Variants in ADAMTSL3 observed in about 807,000 individuals in gnomAD.
ADAMTSL3 encodes the protein ADAMTS like 3.
A neutral mutation model predicts 201.7 loss-of-function variants in ADAMTSL3; 128 were observed. The ratio of observed to expected loss-of-function variants is 0.63; its 90% CI spans 0.55 to 0.73. ADAMTSL3 has a LOEUF of 0.73. Among genes scored for constraint, ADAMTSL3 ranks in the 30% least tolerant of loss-of-function variants. ADAMTSL3 has a pLI of 0.00. For missense variants in ADAMTSL3, 1,990 were observed against 2,119.6 expected (o/e 0.94, Z 1.20); for synonymous variants, 738 against 748.4 (o/e 0.99, Z 0.23).
At chr15:83,827,589 G>A (rs573613619) in intron 6 of ADAMTSL3, among the ~76,000 whole-genome samples, 13 of 152,306 alleles carry the variant, frequency 8.5e-5, no homozygotes, top group Middle Eastern at 3.4e-3. Context: ...CCTTACCCAT[G>A]CCTATGTCCT....
chr15:84,001,598 C>T lies in ADAMTSL3; in HGVS notation c.3973+10384C>T, dbSNP rs9920955. The stretch of plus-strand genomic sequence containing the variant: ...GTTTGAGACAGCAGAATAGGCACCA[C>T]GCAGGAGGTCTGACCAGAGAGAAGA... On this transcript the variant is annotated intron_variant, in intron 23 of 29. Transcript: ENST00000286744. 1.9e-3 allele frequency among the ~76,000 whole-genome samples: 287 copies of T among 152,290 alleles called. 1 individual carries two copies. The highest frequency in any genetic ancestry group is 6.2e-3 in the African/African-American group (258 of 41,536).
chr15:83,882,604 C>T (rs903393601), intron 9 of ADAMTSL3, among the ~76,000 whole-genome samples: 5 of 151,792 alleles, frequency 3.3e-5, no homozygotes, highest in Admixed American at 6.6e-5. Flanking sequence ...CTTTTTGTGT[C>T]GGAAAATATA....
In ADAMTSL3 at chr15:83,983,139, A is replaced by C; in HGVS notation, c.3511A>C (p.Thr1171Pro). The C allele has an allele frequency of 6.2e-7, 1 of 1,613,992 alleles. No homozygotes were observed. Among genetic ancestry groups the C allele is most frequent in the Non-Finnish European group, 8.5e-7 (1 of 1,179,934 alleles). ...GCATGCAAAAAACTCAGGCAAGCTG[A>C]CATTCAAGCCGAAAGGACCTGTTCT... Reference protein sequence around the residue: ...SSHAKNSGKLTFKPKGPVLMR... With the variant: ...SSHAKNSGKLPFKPKGPVLMR... Residue 1171 changes from threonine (T) to proline (P), a missense_variant, in exon 21 of 30, where the codon ACA becomes CCA. Transcript: ENST00000286744.
At chr15:84,004,921 G>A (rs1209103132) in intron 23 of ADAMTSL3, among the ~76,000 whole-genome samples, 2 of 152,230 alleles carry the variant, frequency 1.3e-5, no homozygotes, top group African/African-American at 4.8e-5. Flanking sequence ...CGGGCTGGAG[G>A]ATAGCTGTTC....
chr15:83,983,263 A>G lies in ADAMTSL3; in HGVS notation c.3635A>G (p.Asn1212Ser), dbSNP rs908074639. 5.0e-6 allele frequency: 8 copies of G among 1,612,040 alleles called. No homozygotes were observed. Among genetic ancestry groups the G allele is most frequent in the Non-Finnish European group, 5.9e-6 (7 of 1,179,082 alleles). Residue 1212 changes from asparagine (N) to serine (S), a missense_variant, in exon 21 of 30, where the codon AAT becomes AGT. Asn to Ser is a conservative substitution (Grantham distance 46). Transcript: ENST00000286744. ...VYITKRTEVINILCDLITPSE... is the reference protein window; with the variant it reads ...VYITKRTEVISILCDLITPSE... ...ATTACAAAAAGGACAGAGGTCATCAATATACTGTGTGACCTTATTACCCCC... is the reference window on the plus strand; with the variant it reads ...ATTACAAAAAGGACAGAGGTCATCAGTATACTGTGTGACCTTATTACCCCC...
At chr15:83,786,417 G>A (rs573395675) in intron 4 of ADAMTSL3, among the ~76,000 whole-genome samples, 4 of 152,050 alleles carry the variant, frequency 2.6e-5, no homozygotes, top group South Asian at 2.1e-4. Context: ...TGGGGTATTC[G>A]TCCCTTTAAG....
chr15:83,988,239 G>A (rs1159193248), intron 21 of ADAMTSL3, among the ~76,000 whole-genome samples: 1 of 152,160 alleles, frequency 6.6e-6, no homozygotes, highest in East Asian at 1.9e-4. Flanking sequence ...CCATTGCAAA[G>A]CAGCCTTAGC....
At chr15:83,689,969 T>C (rs2061590209) in intron 2 of ADAMTSL3, among the ~76,000 whole-genome samples, 1 of 152,252 alleles carries the variant, frequency 6.6e-6, no homozygotes. Flanking sequence ...CTTTATTGGT[T>C]AAAGGACTAT....
Position 83,970,620 on chromosome 15 carries a change from A to C in ADAMTSL3, c.2627A>C (p.Gln876Pro). 1 of 1,614,210 alleles carries C rather than the reference A, an allele frequency of 6.2e-7. No individual in the cohort carries two copies. The highest frequency in any genetic ancestry group is 8.5e-7 in the Non-Finnish European group (1 of 1,180,022). ...GGGCTCCCTCTTGTAAGATCTTGCC[A>C]GATGCCTGAGTGCAGTAGTAAGTAT... ...LPGLPLVRSCQMPECSKIKSE... is the reference protein window; with the variant it reads ...LPGLPLVRSCPMPECSKIKSE... Residue 876 changes from glutamine (Q) to proline (P), a missense_variant, in exon 20 of 30, where the codon CAG (glutamine) becomes CCG (proline). Transcript: ENST00000286744.
chr15:83,928,173 T>A (rs887110728), intron 17 of ADAMTSL3, among the ~76,000 whole-genome samples: 5 of 152,102 alleles, frequency 3.3e-5, no homozygotes, highest in African/African-American at 4.8e-5. Context: ...TTTTAGAGAT[T>A]AGGTTTTTCT....
rs2061072333 is a variant in ADAMTSL3 at position 83,655,702 on chromosome 15, G to A, written c.-33-27G>A. 5.2e-6 allele frequency: 8 copies of A among 1,545,110 alleles called. No individual in the cohort carries two copies. The South Asian group carries it at 9.0e-5, about 17-fold the overall frequency. On this transcript the variant is annotated intron_variant, in intron 1 of 29. Coordinates refer to ENST00000286744, the MANE Select transcript of ADAMTSL3 (RefSeq NM_207517.3). ...ACTGCCATGGGGGCCAGAGCTGGTT[G>A]GTAATGAACTCTTTCCTCGTTTGTA...
intron 17 of ADAMTSL3, among the ~76,000 whole-genome samples, chr15:83,940,657 C>A (rs1436876995): frequency 6.6e-6 from 1 of 152,056 alleles, no homozygotes; most frequent in Non-Finnish European, 1.5e-5. Context: ...CATCACAGAC[C>A]CTGTATTGTT....
intron 23 of ADAMTSL3, among the ~76,000 whole-genome samples, chr15:84,004,614 G>A (rs1811440726): frequency 6.6e-6 from 1 of 152,106 alleles, no homozygotes; most frequent in Non-Finnish European, 1.5e-5. Flanking sequence ...GTGGGTAACT[G>A]GGAGTGAACT....
intron 17 of ADAMTSL3, among the ~76,000 whole-genome samples, chr15:83,938,218 T>C (rs921862079): frequency 1.3e-5 from 2 of 152,202 alleles, no homozygotes; most frequent in African/African-American, 2.4e-5. Context: ...TGATTTTGGT[T>C]AAGTCTAGAG....
At chr15:83,868,044 C>T (rs1478722336) in intron 8 of ADAMTSL3, among the ~76,000 whole-genome samples, 1 of 152,162 alleles carries the variant, frequency 6.6e-6, no homozygotes, top group Non-Finnish European at 1.5e-5. Context: ...CCTCCCTCCC[C>T]TCAATATTAA....
chr15:83,877,360 G>A (rs2065196009), intron 9 of ADAMTSL3, among the ~76,000 whole-genome samples: 1 of 152,192 alleles, frequency 6.6e-6, no homozygotes, highest in Non-Finnish European at 1.5e-5. Flanking sequence ...CTATATGACT[G>A]TTTAATTGAC....
chr15:84,022,614 C>A (rs1229211771), intron 26 of ADAMTSL3, among the ~76,000 whole-genome samples: 1 of 152,178 alleles, frequency 6.6e-6, no homozygotes, highest in African/African-American at 2.4e-5. Context: ...CCAAAATTCC[C>A]AGCACTGGGG....
intron 16 of ADAMTSL3, 127 bp downstream of exon 16, chr15:83,913,505 C>G: frequency 1.0e-6 from 1 of 952,618 alleles, no homozygotes. Flanking sequence ...ATTCAAATAA[C>G]TGAAAATGAT....
chr15:83,964,250 C>G (rs2067034491), intron 19 of ADAMTSL3, among the ~76,000 whole-genome samples: 2 of 151,974 alleles, frequency 1.3e-5, no homozygotes, highest in Non-Finnish European at 2.9e-5. Context: ...CATGTTCTAA[C>G]CCAATGCAAG....
Sources: allele counts gnomAD v4.1 joint callset (sites outside exome capture counted in the v4.1 genomes callset), GRCh38; gene constraint gnomAD v4.1.1; transcripts MANE v1.5; gene names NCBI Gene and HGNC (gene_info 2026-07-23, HGNC 2026-07-21).